Variants in MYO18B observed in about 807,000 individuals in gnomAD.
MYO18B encodes myosin XVIIIB, also known as unconventional myosin-XVIIIb.
A neutral mutation model predicts 273.0 loss-of-function variants in MYO18B; 204 were observed. The observed-to-expected ratio is 0.75, with a 90% CI of 0.67 to 0.84. The LOEUF (loss-of-function observed/expected upper bound fraction) is 0.84, where lower values mean the gene tolerates loss of function less well. MYO18B is among the 40% of genes least tolerant of loss of function. The pLI, the probability that MYO18B is intolerant of heterozygous loss-of-function variation, is 0.00. For missense variants in MYO18B, 3,212 were observed against 3,287.6 expected, an observed-to-expected ratio of 0.98 and a Z score of 0.56; for synonymous variants, 1,330 against 1,305.7, an observed-to-expected ratio of 1.02 and a Z score of -0.40.
intron 11 of MYO18B, among the ~76,000 whole-genome samples, 166 bp from the exon 12 acceptor site, chr22:25,797,787 C>T (rs776310539): frequency 1.1e-4 from 16 of 152,218 alleles, no homozygotes; most frequent in Non-Finnish European, 1.6e-4. Flanking sequence ...CTTTCCCAGT[C>T]GCCTGAGTTT....
chr22:25,800,724 C>G (rs536638972), intron 12 of MYO18B, among the ~76,000 whole-genome samples: 38 of 152,358 alleles, frequency 2.5e-4, no homozygotes, highest in African/African-American at 8.7e-4. Flanking sequence ...GCTTATTAGC[C>G]TGTCACCAGG....
At chr22:25,947,621 A>C in intron 35 of MYO18B, 91 bp from the exon 36 acceptor site, 3 of 883,580 alleles carry the variant, frequency 3.4e-6, no homozygotes, top group Non-Finnish European at 5.5e-6. Context: ...TCACACACCT[A>C]TAGGCAAGCC....
chr22:25,929,668 A>G (rs747399848), intron 34 of MYO18B, among the ~76,000 whole-genome samples: 1 of 152,100 alleles, frequency 6.6e-6, no homozygotes, highest in African/African-American at 2.4e-5. Context: ...TACTTAATTC[A>G]TGCTGGGGGC....
intron 36 of MYO18B, 117 bp downstream of exon 36, chr22:25,947,945 G>T (rs1400074002): frequency 1.4e-6 from 1 of 719,880 alleles, no homozygotes; most frequent in Non-Finnish European, 2.4e-6. Context: ...GGAGGGATAA[G>T]TGCACAGAGA....
At chr22:25,743,147 C>G (rs527543600) in intron 1 of MYO18B, among the ~76,000 whole-genome samples, 20 of 152,362 alleles carry the variant, frequency 1.3e-4, no homozygotes, top group African/African-American at 4.1e-4. Context: ...TGGCCTCAAC[C>G]CGCAAGTGTG....
intron 39 of MYO18B, chr22:25,965,061 A>C (rs1301750714): frequency 6.6e-6 from 1 of 152,266 alleles, no homozygotes; most frequent in Non-Finnish European, 1.5e-5. Flanking sequence ...TAAATAAAAC[A>C]TGGGACCATG....
intron 36 of MYO18B, 114 bp from the exon 37 acceptor site, chr22:25,950,253 C>G (rs1300070959): frequency 2.5e-6 from 2 of 800,446 alleles, no homozygotes; most frequent in Non-Finnish European, 4.0e-6. Flanking sequence ...CATAGAAGCT[C>G]TGAGAGATGT....
intron 12 of MYO18B, among the ~76,000 whole-genome samples, chr22:25,816,064 A>C (rs930897947): frequency 1.3e-5 from 2 of 152,238 alleles, no homozygotes; most frequent in Admixed American, 1.3e-4. Flanking sequence ...ACCTGAGGGC[A>C]GCAGGACCTG....
chr22:25,814,294 C>CTTTTTTTTTTTTTTTTTTTTTTTTT (rs398036691), intron 12 of MYO18B, among the ~76,000 whole-genome samples: 2 of 59,496 alleles, frequency 3.4e-5, no homozygotes, highest in African/African-American at 6.0e-5. Context: ...AGGCACCGTT[C>CTTTTTTTTTTTTTTTTTTTTTTTTT]TTTTTTTTTT....
At chr22:25,889,569 A>G (rs1381817141) in intron 25 of MYO18B, among the ~76,000 whole-genome samples, 3 of 125,242 alleles carry the variant, frequency 2.4e-5, no homozygotes, top group African/African-American at 9.4e-5. Context: ...TTTTTTTTTT[A>G]CAATTCTGCT....
At chr22:25,920,523 A>G (rs1030782594) in intron 33 of MYO18B, among the ~76,000 whole-genome samples, 2 of 152,194 alleles carry the variant, frequency 1.3e-5, no homozygotes, top group East Asian at 3.9e-4. Context: ...CTCCCTTGAC[A>G]GCTGTCCCTG....
At chr22:25,820,712 A>T (rs1296915887) in intron 12 of MYO18B, among the ~76,000 whole-genome samples, 1 of 152,134 alleles carries the variant, frequency 6.6e-6, no homozygotes, top group Non-Finnish European at 1.5e-5. Context: ...TTGAAACTAT[A>T]TAATATATTA....
chr22:26,053,001 G>T, the MYO18B span, among the ~76,000 whole-genome samples: 4 of 151,860 alleles, frequency 2.6e-5, no homozygotes, highest in Non-Finnish European at 4.4e-5. Flanking sequence ...TAGAGATGGG[G>T]TTTCACTGTG....
At chr22:25,780,880 C>T (rs1569008931) in intron 9 of MYO18B, among the ~76,000 whole-genome samples, 1 of 152,120 alleles carries the variant, frequency 6.6e-6, no homozygotes, top group African/African-American at 2.4e-5. Flanking sequence ...TGCAGCAGTC[C>T]GCGTGTGACG....
chr22:25,768,820 G>A lies in MYO18B; in HGVS notation c.904G>A (p.Val302Ile), dbSNP rs765793569. 1.9e-5 allele frequency: 31 copies of A among 1,611,112 alleles called. No homozygotes were observed. The highest frequency in any genetic ancestry group is 3.3e-5 in the South Asian group (3 of 90,314). The change falls in exon 4 of 44, where the codon GTA (valine) becomes ATA (isoleucine). Residue 302 changes from valine to isoleucine, a missense_variant. Val to Ile is a conservative substitution (Grantham distance 29, BLOSUM62 3). Coordinates refer to ENST00000335473, the MANE Select transcript of MYO18B (RefSeq NM_032608.7). ...TVEKGNVSKD[V>I]GSEGKHVRPQ... is the part of the protein sequence containing the mutation. ...GGAAAAGGGGAATGTCTCTAAGGAC[G>A]TAGGGAGTGAAGGGAAGCACGTAAG...
At chr22:25,931,598 G>C (rs939848890) in intron 34 of MYO18B, among the ~76,000 whole-genome samples, 3 of 152,164 alleles carry the variant, frequency 2.0e-5, no homozygotes, top group African/African-American at 7.2e-5. Context: ...GTGAATGAGT[G>C]GGGAGAGACC....
intron 20 of MYO18B, among the ~76,000 whole-genome samples, chr22:25,850,799 C>T (rs549226547): frequency 6.6e-6 from 1 of 152,260 alleles, no homozygotes; most frequent in East Asian, 1.9e-4. Flanking sequence ...CTTCCCTGTT[C>T]TAGGTCTTGT....
chr22:25,744,602 T>C (rs1180988271), intron 1 of MYO18B, among the ~76,000 whole-genome samples: 4 of 151,500 alleles, frequency 2.6e-5, no homozygotes, highest in South Asian at 4.2e-4. Context: ...GGCGTGGTGG[T>C]GGGTGCCTGT....
intron 8 of MYO18B, among the ~76,000 whole-genome samples, chr22:25,778,201 G>T (rs2076706): frequency 0.49 from 74,534 of 151,504 alleles, 20,194 homozygotes; most frequent in East Asian, 0.63. Flanking sequence ...CAAGGGCAGA[G>T]TCTACACTCA....
Sources: gnomAD v4.1 joint callset for allele counts (sites outside exome capture counted in the v4.1 genomes callset) on GRCh38, gnomAD v4.1.1 for gene constraint, MANE v1.5 for transcripts, NCBI Gene and HGNC (gene_info 2026-07-23, HGNC 2026-07-21) for gene names.